GCC2: variants seen among roughly 807,000 people sequenced by gnomAD.
GCC2 encodes the protein GRIP and coiled-coil domain containing 2.
In GCC2, 120 loss-of-function variants were observed where a neutral mutation model predicts 210.6. That is an observed-to-expected ratio of 0.57 (90% CI 0.49 to 0.66). The LOEUF is 0.66. Ranked by LOEUF, GCC2 falls within the 30% of genes least tolerant of loss-of-function variation. The probability of loss-of-function intolerance (pLI) is 0.00; values close to 1 mark genes in which losing one functional copy is unlikely to be tolerated. For synonymous variants in GCC2, 703 were observed against 652.7 expected (o/e 1.08, Z -1.17); for missense variants, 1,868 against 1,871.9 (o/e 1.00, Z 0.04).
chr2:108,483,335 T>C, intron 12 of GCC2, among the ~76,000 whole-genome samples, 169 bp downstream of exon 12: 1 of 152,134 alleles, frequency 6.6e-6, no homozygotes. Context: ...GCAGTTCTTG[T>C]GCCTCAGCCT....
chr2:108,451,042 C>T lies in GCC2; in HGVS notation c.78C>T (p.Pro26=). ...GTGKSKLETL[P]KEDLIKFAKK... is the part of the protein sequence containing the mutation. The stretch of plus-strand genomic sequence containing the variant: ...ACATCTTTCAGCTGGAAACATTGCC[C>T]AAAGAAGACCTCATCAAGTTTGCCA... The change falls in exon 3 of 23, where the codon CCC becomes CCT. Residue 26 remains proline, a synonymous_variant. Transcript: ENST00000309863. The T allele has an allele frequency of 6.2e-7, 1 of 1,611,238 alleles. No individual in the cohort carries two copies. Among genetic ancestry groups the T allele is most frequent in the East Asian group, 2.2e-5 (1 of 44,832 alleles).
At chr2:108,449,969 T>C (rs1171573930) in intron 2 of GCC2, 1 of 380,182 alleles carries the variant, frequency 2.6e-6, no homozygotes, top group Non-Finnish European at 4.8e-6. Flanking sequence ...TATATAGTGG[T>C]GTAGTGGAAG....
At chr2:108,498,337 A>C (rs1411312004) in intron 21 of GCC2, among the ~76,000 whole-genome samples, 1 of 151,244 alleles carries the variant, frequency 6.6e-6, no homozygotes. Flanking sequence ...CTGGGACTGC[A>C]GGCACGCACC....
chr2:108,504,415 G>A (rs1683085186), intron 22 of GCC2, among the ~76,000 whole-genome samples: 1 of 152,164 alleles, frequency 6.6e-6, no homozygotes, highest in South Asian at 2.1e-4. Flanking sequence ...CACATATTAG[G>A]GGCCCAACTT....
Position 108,471,359 on chromosome 2 carries a change from C to T in GCC2, c.2030C>T (p.Ser677Phe), listed in dbSNP as rs1304241885. 1 of 1,610,240 alleles carries T rather than the reference C, an allele frequency of 6.2e-7. No individual in the cohort carries two copies. The highest frequency in any genetic ancestry group is 2.2e-5 in the East Asian group (1 of 44,776). Residue 677 changes from serine (S) to phenylalanine (F), a missense_variant, in exon 6 of 23, where the codon TCT becomes TTT. Ser to Phe is a radical substitution (Grantham distance 155, BLOSUM62 -2). Transcript: ENST00000309863. ...EKLMVQMKVL[S>F]EDKEVLSAEV... ...CTTATGGTTCAAATGAAAGTTCTCTCTGAAGACAAAGAAGTATTGTCAGCT... is the reference window on the plus strand; with the variant it reads ...CTTATGGTTCAAATGAAAGTTCTCTTTGAAGACAAAGAAGTATTGTCAGCT...
chr2:108,482,522 G>T, intron 11 of GCC2, 71 bp downstream of exon 11: 1 of 735,618 alleles, frequency 1.4e-6, no homozygotes, highest in African/African-American at 1.8e-5. Flanking sequence ...TAAATGAAGG[G>T]AAGACTTACT....
intron 9 of GCC2, among the ~76,000 whole-genome samples, chr2:108,478,264 A>G (rs899518306): frequency 1.7e-5 from 2 of 114,948 alleles, no homozygotes; most frequent in Non-Finnish European, 3.7e-5. Context: ...TAAATTTTCA[A>G]ATTTCATTAC....
At chr2:108,491,225 C>T (rs2104495655) in intron 18 of GCC2, among the ~76,000 whole-genome samples, 1 of 152,292 alleles carries the variant, frequency 6.6e-6, no homozygotes, top group South Asian at 2.1e-4. Flanking sequence ...GAACTTCCAT[C>T]AGCACAATCA....
intron 4 of GCC2, among the ~76,000 whole-genome samples, chr2:108,454,434 A>G (rs1680135883): frequency 6.6e-6 from 1 of 152,230 alleles, no homozygotes; most frequent in Non-Finnish European, 1.5e-5. Context: ...ATTTAGTTAC[A>G]GTGTATGAAG....
In GCC2 at chr2:108,481,798, A is replaced by C. The variant is rs759901263; in HGVS notation, c.3162A>C (p.Leu1054Phe). The part of the protein sequence containing the change: ...EHRIEDLTRQ[L>F]RNSTLQCETI... ...GTATTGAAGACCTTACAAGACAATT[A>C]AGAAATTCGACTTTGCAGGTAATTT... Residue 1054 changes from leucine (L) to phenylalanine (F), a missense_variant, in exon 10 of 23, where the codon TTA (leucine) becomes TTC (phenylalanine). Transcript: ENST00000309863. The C allele has an allele frequency of 6.4e-7, 1 of 1,569,798 alleles. No individual in the cohort carries two copies. Among genetic ancestry groups the C allele is most frequent in the Non-Finnish European group, 8.6e-7 (1 of 1,162,096 alleles).
In GCC2 at chr2:108,471,206, A is replaced by G. The variant is rs948209315; in HGVS notation, c.1877A>G (p.Glu626Gly). 3.7e-6 allele frequency: 6 copies of G among 1,605,010 alleles called. No homozygotes were observed. The highest frequency in any genetic ancestry group is 5.1e-6 in the Non-Finnish European group (6 of 1,177,276). The change falls in exon 6 of 23, where the codon GAA becomes GGA. Residue 626 changes from glutamate to glycine, a missense_variant. Glu to Gly is a moderately conservative substitution (Grantham distance 98, BLOSUM62 -2). Around this residue, in one of 3 missense-constraint regions of GCC2, gnomAD observed 1,847 missense variants for 1,765.2 expected, o/e 1.05. Transcript: ENST00000309863. ...KCEREERLIL[E>G]LGKKVEQTIQ... ...GAAAGGGAAGAAAGATTGATTCTTG[A>G]ACTTGGGAAGAAAGTAGAGCAAACA...
chr2:108,495,730 G>A (rs1816648), intron 20 of GCC2: 10 of 255,102 alleles, frequency 3.9e-5, no homozygotes, highest in Non-Finnish European at 6.9e-5. Flanking sequence ...CCATCTGCAG[G>A]CTGAGGAGCA....
At chr2:108,481,491 CA>C (rs1471787690) in intron 9 of GCC2, among the ~76,000 whole-genome samples, 3 of 152,046 alleles carry the variant, frequency 2.0e-5, no homozygotes, top group African/African-American at 7.2e-5. Flanking sequence ...CTTCTTCTTT[CA>C]TATATTTCCC....
At position 108,471,130 on chromosome 2, in the gene GCC2, A is replaced by T; in HGVS notation, c.1801A>T (p.Asn601Tyr). The change falls in exon 6 of 23, where the codon AAT (asparagine) becomes TAT (tyrosine). Residue 601 changes from asparagine (N) to tyrosine (Y), a missense_variant. Asn to Tyr is a moderately radical substitution (Grantham distance 143). This residue lies in a region of GCC2 where 1,847 missense variants were observed against 1,765.2 expected (regional missense o/e 1.05). Coordinates refer to ENST00000309863, the MANE Select transcript of GCC2 (RefSeq NM_181453.4). ...SLTEEKDDFINKLKNSHEEMD... is the reference protein window; with the variant it reads ...SLTEEKDDFIYKLKNSHEEMD... ...TACTGAGGAAAAAGATGATTTTATAAATAAACTGAAAAATTCCCATGAAGA... is the reference window on the plus strand; with the variant it reads ...TACTGAGGAAAAAGATGATTTTATATATAAACTGAAAAATTCCCATGAAGA... 1.3e-6 allele frequency: 2 copies of T among 1,586,652 alleles called. No individual in the cohort carries two copies. Among genetic ancestry groups the T allele is most frequent in the Non-Finnish European group, 1.7e-6 (2 of 1,160,140 alleles).
chr2:108,484,090 A>C (rs896604323), intron 12 of GCC2, 59 bp from the exon 13 acceptor site: 1 of 1,225,168 alleles, frequency 8.2e-7, no homozygotes, highest in Non-Finnish European at 1.1e-6. Flanking sequence ...AATGAAAAAA[A>C]AAATTTACAA....
At position 108,461,291 on chromosome 2, in the gene GCC2, ATT is replaced by A. The variant is rs60394000; in HGVS notation, c.217-7679_217-7678del. ...GACTAGATGCTTTTCTCTTTGCTGAATTTTTTTTTTTCCTCTTTGCTGTTTTT... is the reference window on the plus strand; with the variant it reads ...GACTAGATGCTTTTCTCTTTGCTGAATTTTTTTTTCCTCTTTGCTGTTTTT... On this transcript the variant is annotated intron_variant, in intron 4 of 22. Coordinates refer to ENST00000309863, the MANE Select transcript of GCC2 (RefSeq NM_181453.4). Among the ~76,000 whole-genome samples the A allele has an allele frequency of 4.8e-3, 706 of 147,968 alleles. 7 individuals carry two copies. Among genetic ancestry groups the A allele is most frequent in the African/African-American group, 0.016 (668 of 40,624 alleles).
chr2:108,500,310 C>T lies in GCC2; in HGVS notation c.4984+556C>T, dbSNP rs531754770. Among the ~76,000 whole-genome samples the T allele has an allele frequency of 1.5e-4, 23 of 152,158 alleles. No homozygotes were observed. The East Asian group carries it at 2.3e-3, about 15-fold the overall frequency. ...CAGGCGGATCACAAGATCAAGATAC[C>T]GAGACCATCCTGGCCAACATGGTGA... On this transcript the variant is annotated intron_variant, in intron 22 of 22. Coordinates refer to ENST00000309863, the MANE Select transcript of GCC2 (RefSeq NM_181453.4).
At position 108,449,228 on chromosome 2, in the gene GCC2, G is replaced by T; in HGVS notation, c.-47G>T. The T allele has an allele frequency of 6.5e-7, 1 of 1,542,324 alleles. No individual in the cohort carries two copies. The highest frequency in any genetic ancestry group is 2.4e-5 in the East Asian group (1 of 40,846). On this transcript the variant is annotated 5_prime_UTR_variant, in exon 1 of 23. Transcript: ENST00000309863. ...GTCAGAGGCTGGCGCAAACAGAAGT[G>T]CAGCGGTGGCGGCGGCTGGTTGCGG... is the stretch of plus-strand genomic sequence containing the variant.
chr2:108,467,229 C>G (rs1169587962), intron 4 of GCC2, among the ~76,000 whole-genome samples: 1 of 152,158 alleles, frequency 6.6e-6, no homozygotes, highest in Non-Finnish European at 1.5e-5. Context: ...CTTCACACAT[C>G]TTTTGGTAAA....
Sources: allele counts gnomAD v4.1 joint callset (sites outside exome capture counted in the v4.1 genomes callset), GRCh38; gene constraint gnomAD v4.1.1; regional missense constraint gnomAD v4.1.1; transcripts MANE v1.5; gene names NCBI Gene and HGNC (gene_info 2026-07-23, HGNC 2026-07-21).